Variants in ENPP3 observed in about 807,000 individuals in gnomAD.
The protein encoded by ENPP3 is ectonucleotide pyrophosphatase/phosphodiesterase 3.
In ENPP3, 104 loss-of-function variants were observed where a neutral mutation model predicts 117.8. That is an observed-to-expected ratio of 0.88 (90% confidence interval 0.75 to 1.04). The LOEUF (loss-of-function observed/expected upper bound fraction) is 1.04. ENPP3 is among the 50% of genes least tolerant of loss of function. The pLI, the probability that ENPP3 is intolerant of heterozygous loss-of-function variation, is 0.00. For missense variants in ENPP3, 1,026 were observed against 1,051.9 expected (o/e 0.98, Z 0.34); for synonymous variants, 380 against 349.9 (o/e 1.09, Z -0.96).
At chr6:131,694,955 T>C (rs1779371753) in intron 15 of ENPP3, among the ~76,000 whole-genome samples, 2 of 151,958 alleles carry the variant, frequency 1.3e-5, no homozygotes, top group Admixed American at 6.6e-5. Flanking sequence ...ACTGGGGATT[T>C]GGCTAAGCCT....
At chr6:131,718,931 A>ATAT (rs1435921226) in intron 16 of ENPP3, among the ~76,000 whole-genome samples, 193 bp downstream of exon 16, 2 of 152,168 alleles carry the variant, frequency 1.3e-5, no homozygotes, top group Admixed American at 6.5e-5. Flanking sequence ...ATTATAGGCA[A>ATAT]TGTTCAAGGT....
chr6:131,742,092 AT>A (rs1780538369), intron 24 of ENPP3, among the ~76,000 whole-genome samples: 2 of 150,838 alleles, frequency 1.3e-5, no homozygotes, highest in South Asian at 4.3e-4. Flanking sequence ...GAGTGTTTAA[AT>A]TGTCTAAAGA....
intron 11 of ENPP3, among the ~76,000 whole-genome samples, chr6:131,681,847 T>TG (rs779365822): frequency 5.3e-5 from 8 of 152,280 alleles, no homozygotes; most frequent in Admixed American, 1.3e-4. Flanking sequence ...TTGTTTTTTG[T>TG]GGGGGATGGG....
intron 6 of ENPP3, among the ~76,000 whole-genome samples, chr6:131,660,279 A>G (rs939088739): frequency 1.2e-4 from 18 of 152,200 alleles, no homozygotes; most frequent in African/African-American, 4.1e-4. Context: ...AAGGGAGCCC[A>G]GGGCCCCATC....
In ENPP3 at chr6:131,743,911, G is replaced by A. The variant is rs751966283; in HGVS notation, c.2458-2875G>A. Among the ~76,000 whole-genome samples, 109 of 152,136 alleles carry A rather than the reference G, an allele frequency of 7.2e-4. 3 individuals carry two copies. Among genetic ancestry groups the A allele is most frequent in the Admixed American group, 6.4e-3 (97 of 15,272 alleles). On this transcript the variant is annotated intron_variant, in intron 24 of 24. Coordinates refer to ENST00000357639, the MANE Select transcript of ENPP3 (RefSeq NM_005021.5). ...ATATGCAAATCATCCAGAAAGTGTA[G>A]TACATTCACAAACTGTTTCTTAGTA... is the stretch of plus-strand genomic sequence containing the variant.
chr6:131,693,055 TTTATATA>T (rs1466781627), intron 14 of ENPP3, among the ~76,000 whole-genome samples: 14 of 145,898 alleles, frequency 9.6e-5, no homozygotes, highest in Admixed American at 4.9e-4. Flanking sequence ...AATATATATG[TTTATATA>T]TTATATATTA....
intron 15 of ENPP3, among the ~76,000 whole-genome samples, chr6:131,697,015 C>T (rs1209582796): frequency 6.6e-6 from 1 of 152,180 alleles, no homozygotes; most frequent in Admixed American, 6.5e-5. Flanking sequence ...ATGATCCGCC[C>T]TCCTTGGTCT....
chr6:131,725,947 C>A (rs1251026861), intron 19 of ENPP3, 99 bp from the exon 20 acceptor site: 23 of 699,304 alleles, frequency 3.3e-5, no homozygotes, highest in Non-Finnish European at 1.5e-5. Flanking sequence ...ATATAATAAG[C>A]CATAAGAGAG....
chr6:131,716,143 G>A lies in ENPP3; in HGVS notation c.1413-2529G>A, dbSNP rs539329083. 6.6e-5 allele frequency among the ~76,000 whole-genome samples: 10 copies of A among 152,290 alleles called. No homozygotes were observed. In the East Asian group the frequency reaches 1.7e-3, roughly 26 times the overall value. ...ATTTCAACTGTGTTAATTAGACATG[G>A]GGAAGATAATGGAGAATTTGTTCCA... On this transcript the variant is annotated intron_variant, in intron 15 of 24. Coordinates refer to ENST00000357639, the MANE Select transcript of ENPP3 (RefSeq NM_005021.5).
Position 131,733,658 on chromosome 6 carries a change from A to C in ENPP3, c.2024A>C (p.Glu675Ala). 1 of 1,614,090 alleles carries C rather than the reference A, an allele frequency of 6.2e-7. No individual in the cohort carries two copies. The highest frequency in any genetic ancestry group is 8.5e-7 in the Non-Finnish European group (1 of 1,179,992). ...LRADVRVPPS[E>A]SQKCSFYLAD... is the part of the protein sequence containing the mutation. Reference sequence around the variant, plus strand: ...GCTGATGTCAGGGTTCCTCCTTCTGAGAGCCAAAAATGTTCCTTCTATTTA... The same window carrying C: ...GCTGATGTCAGGGTTCCTCCTTCTGCGAGCCAAAAATGTTCCTTCTATTTA... The change falls in exon 21 of 25, where the codon GAG becomes GCG. Residue 675 changes from glutamate (E) to alanine (A), a missense_variant. Physicochemically the swap from Glu to Ala is moderately radical, Grantham distance 107. Transcript: ENST00000357639.
rs367950906 is a variant in ENPP3 at position 131,685,307 on chromosome 6, T to G, written c.1121-57T>G. 28 of 1,435,550 alleles carry G rather than the reference T, an allele frequency of 2.0e-5. No homozygotes were observed. In the East Asian group the frequency reaches 5.3e-4, roughly 27 times the overall value. 88.9% of individuals were successfully genotyped at this position (1,435,550 alleles called of 1,614,324 possible). A position where few individuals can be genotyped will look rare whatever the true frequency, so the allele number is the denominator to read the frequency against. On this transcript the variant is annotated intron_variant, in intron 12 of 24. Transcript: ENST00000357639. ...TGTCTTCTATTTGACAAGACAGAAATCAACCGTTGCCATTTATATACATTC... is the reference window on the plus strand; with the variant it reads ...TGTCTTCTATTTGACAAGACAGAAAGCAACCGTTGCCATTTATATACATTC...
chr6:131,739,057 A>C (rs1780466102), intron 23 of ENPP3, among the ~76,000 whole-genome samples: 1 of 152,194 alleles, frequency 6.6e-6, no homozygotes, highest in African/African-American at 2.4e-5. Context: ...TCACATATAC[A>C]TCAGTTAAAC....
intron 14 of ENPP3, among the ~76,000 whole-genome samples, chr6:131,691,794 C>T (rs897578010): frequency 3.3e-5 from 5 of 152,018 alleles, no homozygotes; most frequent in African/African-American, 4.8e-5. Context: ...TAGTTAGTCC[C>T]TTGCATCTTG....
intron 6 of ENPP3, among the ~76,000 whole-genome samples, chr6:131,670,354 G>C (rs141840488): frequency 6.6e-6 from 1 of 152,264 alleles, no homozygotes; most frequent in African/African-American, 2.4e-5. Flanking sequence ...CAAACTGGCA[G>C]TGTATAATAT....
chr6:131,654,898 A>G (rs1294538594), intron 5 of ENPP3, among the ~76,000 whole-genome samples: 5 of 152,150 alleles, frequency 3.3e-5, no homozygotes, highest in African/African-American at 1.2e-4. Flanking sequence ...ATAAAATGAG[A>G]GGAGTTTGAG....
At chr6:131,682,048 G>A (rs991801117) in intron 11 of ENPP3, among the ~76,000 whole-genome samples, 4 of 152,032 alleles carry the variant, frequency 2.6e-5, no homozygotes, top group Non-Finnish European at 5.9e-5. Flanking sequence ...GGCCAGGCTT[G>A]TCTCAAACTC....
chr6:131,698,262 A>G (rs1375770524), intron 15 of ENPP3, among the ~76,000 whole-genome samples: 1 of 150,086 alleles, frequency 6.7e-6, no homozygotes, highest in African/African-American at 2.5e-5. Context: ...ACTGTTGAAA[A>G]TGTTCTCCAA....
At position 131,718,746 on chromosome 6, in the gene ENPP3, A is replaced by G; in HGVS notation, c.1479+8A>G. 1 of 1,578,272 alleles carries G rather than the reference A, an allele frequency of 6.3e-7. No homozygotes were observed. The highest frequency in any genetic ancestry group is 8.7e-7 in the Non-Finnish European group (1 of 1,155,762). ...GAGTTTAGGAGCATGGAGGTAACTTACTGCTTTTTTTTTTAACTTTTATTT... is the reference window on the plus strand; with the variant it reads ...GAGTTTAGGAGCATGGAGGTAACTTGCTGCTTTTTTTTTTAACTTTTATTT... On this transcript the variant is annotated splice_region_variant and intron_variant, in intron 16 of 24. Transcript: ENST00000357639.
At chr6:131,746,311 C>T (rs906553941) in intron 24 of ENPP3, among the ~76,000 whole-genome samples, 1 of 151,792 alleles carries the variant, frequency 6.6e-6, no homozygotes, top group African/African-American at 2.4e-5. Flanking sequence ...TTAACAAGAC[C>T]TAGATATATC....
Sources: allele counts gnomAD v4.1 joint callset (sites outside exome capture counted in the v4.1 genomes callset), GRCh38; gene constraint gnomAD v4.1.1; transcripts MANE v1.5; gene names NCBI Gene and HGNC (gene_info 2026-07-23, HGNC 2026-07-21).